Variants in LRRTM3 observed in about 807,000 individuals in gnomAD.
LRRTM3 encodes leucine rich repeat transmembrane neuronal 3, also known as leucine-rich repeat transmembrane neuronal protein 3.
LRRTM3 carries 24 observed loss-of-function variants against 44.7 expected under a neutral mutation model. That is an observed-to-expected ratio of 0.54 (90% CI 0.39 to 0.76). The LOEUF (loss-of-function observed/expected upper bound fraction) is 0.76, where lower values mean the gene tolerates loss of function less well. Among genes scored for constraint, LRRTM3 ranks in the 30% least tolerant of loss-of-function variants. The pLI is 0.00. For missense variants in LRRTM3, 587 were observed against 702.2 expected, an observed-to-expected ratio of 0.84 and a Z score of 1.85; for synonymous variants, 277 against 278.7, an observed-to-expected ratio of 0.99 and a Z score of 0.06.
chr10:67,017,725 CTGTGTGTGTGTG>C (rs10586644), intron 2 of LRRTM3, among the ~76,000 whole-genome samples: 1 of 147,892 alleles, frequency 6.8e-6, no homozygotes, highest in African/African-American at 2.5e-5. Context: ...CAAAAATCAT[CTGTGTGTGTGTG>C]TGTGTGTGTG....
intron 2 of LRRTM3, among the ~76,000 whole-genome samples, chr10:66,988,714 A>T (rs1221020813): frequency 6.6e-6 from 1 of 152,144 alleles, no homozygotes; most frequent in East Asian, 1.9e-4. Flanking sequence ...GTCACCTCTG[A>T]ATACTAGGAA....
chr10:66,973,599 C>T (rs905873843), intron 2 of LRRTM3, among the ~76,000 whole-genome samples: 2 of 152,124 alleles, frequency 1.3e-5, no homozygotes, highest in East Asian at 3.9e-4. Context: ...ATTAAATACA[C>T]TCTCAAATAA....
At chr10:67,090,090 A>T (rs1278546696) in intron 2 of LRRTM3, among the ~76,000 whole-genome samples, 1 of 152,122 alleles carries the variant, frequency 6.6e-6, no homozygotes, top group Non-Finnish European at 1.5e-5. Context: ...TTCTAAGTCA[A>T]CACAGGGATC....
intron 2 of LRRTM3, among the ~76,000 whole-genome samples, chr10:66,989,976 GT>G (rs1445963773): frequency 2.0e-5 from 3 of 152,174 alleles, no homozygotes; most frequent in Admixed American, 6.5e-5. Flanking sequence ...CAATATCTTA[GT>G]TTATACACAC....
At chr10:66,958,227 A>T (rs554890344) in intron 2 of LRRTM3, among the ~76,000 whole-genome samples, 11 of 149,120 alleles carry the variant, frequency 7.4e-5, no homozygotes, top group African/African-American at 2.5e-4. Context: ...CAACTGATTT[A>T]TTTGAAACAG....
At chr10:66,975,860 C>A (rs755303904) in intron 2 of LRRTM3, among the ~76,000 whole-genome samples, 17 of 152,144 alleles carry the variant, frequency 1.1e-4, no homozygotes, top group Middle Eastern at 6.8e-3. Flanking sequence ...TCTATCTGAC[C>A]AAAAATCTTG....
chr10:66,931,876 A>G (rs919609029), intron 2 of LRRTM3, among the ~76,000 whole-genome samples: 5 of 152,230 alleles, frequency 3.3e-5, no homozygotes, highest in Non-Finnish European at 1.5e-5. Flanking sequence ...GATGCTGGCT[A>G]AGCATTTTGA....
intron 2 of LRRTM3, among the ~76,000 whole-genome samples, chr10:66,953,244 C>T (rs1412288394): frequency 6.6e-6 from 1 of 152,154 alleles, no homozygotes; most frequent in African/African-American, 2.4e-5. Context: ...CATATCACTT[C>T]TGATATCACA....
chr10:66,996,650 A>AAAAAAAAAAAAAAG (rs1851368157), intron 2 of LRRTM3, among the ~76,000 whole-genome samples: 1 of 31,714 alleles, frequency 3.2e-5, no homozygotes, highest in Non-Finnish European at 7.7e-5. Flanking sequence ...CCGTCTCTAC[A>AAAAAAAAAAAAAAG]AAAAAAAAAA....
At chr10:67,001,305 A>AG (rs1851676416) in intron 2 of LRRTM3, among the ~76,000 whole-genome samples, 1 of 150,940 alleles carries the variant, frequency 6.6e-6, no homozygotes, top group African/African-American at 2.4e-5. Context: ...GTCTAAAAAA[A>AG]AAAAAAAGAA....
chr10:66,978,702 A>G (rs539196979), intron 2 of LRRTM3, among the ~76,000 whole-genome samples: 3 of 150,088 alleles, frequency 2.0e-5, no homozygotes, highest in South Asian at 4.2e-4. Flanking sequence ...CAATTCATAA[A>G]GTTCCAGTGA....
chr10:66,990,078 T>C (rs1850959724), intron 2 of LRRTM3, among the ~76,000 whole-genome samples: 1 of 152,138 alleles, frequency 6.6e-6, no homozygotes, highest in Non-Finnish European at 1.5e-5. Flanking sequence ...ATGAGATGGG[T>C]TGGAGAAGTC....
intron 2 of LRRTM3, among the ~76,000 whole-genome samples, chr10:67,009,463 C>G (rs1380116131): frequency 6.6e-6 from 1 of 151,862 alleles, no homozygotes; most frequent in African/African-American, 2.4e-5. Flanking sequence ...TATACATAAC[C>G]TCTTTCATCT....
chr10:67,092,376 G>C (rs1287444263), intron 2 of LRRTM3, among the ~76,000 whole-genome samples: 1 of 151,928 alleles, frequency 6.6e-6, no homozygotes, highest in Non-Finnish European at 1.5e-5. Context: ...GAGAATTCTA[G>C]AGAAGGAAAA....
At chr10:67,056,411 T>C (rs1855434569) in intron 2 of LRRTM3, among the ~76,000 whole-genome samples, 1 of 152,180 alleles carries the variant, frequency 6.6e-6, no homozygotes, top group Non-Finnish European at 1.5e-5. Flanking sequence ...CTACCCATTT[T>C]TGCATCTAAT....
intron 2 of LRRTM3, among the ~76,000 whole-genome samples, chr10:66,992,245 T>C (rs1851082264): frequency 6.6e-6 from 1 of 152,212 alleles, no homozygotes. Context: ...ATTGATTTAA[T>C]TTTTATTTCC....
chr10:66,948,495 C>A (rs529908981), intron 2 of LRRTM3, among the ~76,000 whole-genome samples: 4 of 152,034 alleles, frequency 2.6e-5, no homozygotes, highest in African/African-American at 7.2e-5. Flanking sequence ...GACAACTGAC[C>A]GATTCTTATT....
At chr10:67,040,413 G>T (rs1372241667) in intron 2 of LRRTM3, among the ~76,000 whole-genome samples, 1 of 151,994 alleles carries the variant, frequency 6.6e-6, no homozygotes, top group Non-Finnish European at 1.5e-5. Flanking sequence ...ACTGCACAAA[G>T]GTCAAACAAT....
chr10:66,926,440 G>T lies in LRRTM3; in HGVS notation c.-144G>T. On this transcript the variant is annotated 5_prime_UTR_variant, in exon 1 of 3. Coordinates refer to ENST00000361320, the MANE Select transcript of LRRTM3 (RefSeq NM_178011.5). ...TGGCAAAGAATAATGTTCCAAAATC[G>T]GTCCATCTCCCAAGGGGTCCAATTT... The T allele has an allele frequency of 1.3e-6, 1 of 796,800 alleles. No homozygotes were observed. Among genetic ancestry groups the T allele is most frequent in the Non-Finnish European group, 2.1e-6 (1 of 468,232 alleles). 49.4% of individuals were successfully genotyped at this position (796,800 alleles called of 1,614,324 possible).
Sources: allele counts gnomAD v4.1 joint callset (sites outside exome capture counted in the v4.1 genomes callset), GRCh38; gene constraint gnomAD v4.1.1; transcripts MANE v1.5; gene names NCBI Gene and HGNC (gene_info 2026-07-23, HGNC 2026-07-21).